The following DOCK3 variants were observed in gnomAD, a reference collection of about 807,000 sequenced individuals.
DOCK3 encodes the protein dedicator of cytokinesis 3.
A neutral mutation model predicts 265.6 loss-of-function variants in DOCK3; 60 were observed. That is an observed-to-expected ratio of 0.23 (90% CI 0.18 to 0.28). DOCK3 has a LOEUF of 0.28. Ranked by LOEUF, DOCK3 falls within the 10% of genes least tolerant of loss-of-function variation. The pLI is 1.00. For synonymous variants in DOCK3, 881 were observed against 938.0 expected (o/e 0.94, Z 1.11); for missense variants, 1,981 against 2,594.3 (o/e 0.76, Z 5.14).
At chr3:51,098,940 C>A (rs977981331) in intron 9 of DOCK3, among the ~76,000 whole-genome samples, 13 of 152,182 alleles carry the variant, frequency 8.5e-5, no homozygotes, top group African/African-American at 3.1e-4. Flanking sequence ...AGTATTCTCT[C>A]TTTTTCTTTC....
At chr3:50,807,022 C>A (rs573411105) in intron 2 of DOCK3, among the ~76,000 whole-genome samples, 11 of 152,216 alleles carry the variant, frequency 7.2e-5, no homozygotes, top group Admixed American at 2.0e-4. Context: ...CTCTGGGCCC[C>A]AGTCTGATCT....
chr3:51,370,911 G>T (rs940522143), intron 49 of DOCK3, among the ~76,000 whole-genome samples: 9 of 152,220 alleles, frequency 5.9e-5, no homozygotes, highest in Non-Finnish European at 1.3e-4. Flanking sequence ...CTGGTGGTCA[G>T]CTTGGGGTGC....
chr3:51,134,533 A>G (rs1172499525), intron 9 of DOCK3, among the ~76,000 whole-genome samples: 1 of 152,164 alleles, frequency 6.6e-6, no homozygotes, highest in Admixed American at 6.5e-5. Flanking sequence ...TGGGAATGTC[A>G]TGAACCTCAA....
chr3:50,878,129 A>G (rs1296278969), intron 3 of DOCK3, among the ~76,000 whole-genome samples: 1 of 152,222 alleles, frequency 6.6e-6, no homozygotes, highest in Non-Finnish European at 1.5e-5. Flanking sequence ...GTACGTCACC[A>G]TCATCAAAGA....
intron 5 of DOCK3, among the ~76,000 whole-genome samples, chr3:50,952,272 G>A (rs2108321496): frequency 6.6e-6 from 1 of 152,292 alleles, no homozygotes; most frequent in African/African-American, 2.4e-5. Context: ...GGACCTGAAA[G>A]TGATTGTTTC....
intron 1 of DOCK3, among the ~76,000 whole-genome samples, chr3:50,679,083 GATT>G (rs1330763077): frequency 6.6e-6 from 1 of 152,194 alleles, no homozygotes; most frequent in Non-Finnish European, 1.5e-5. Flanking sequence ...GAAGTGCTGG[GATT>G]ACAGGCATGA....
chr3:51,220,707 G>GTATA (rs1480666363), intron 14 of DOCK3, among the ~76,000 whole-genome samples: 1 of 130,420 alleles, frequency 7.7e-6, no homozygotes, highest in South Asian at 2.3e-4. Context: ...GTGTGTGTGT[G>GTATA]TGTATATATA....
chr3:51,128,558 A>T (rs763392184), intron 9 of DOCK3, among the ~76,000 whole-genome samples: 1 of 152,230 alleles, frequency 6.6e-6, no homozygotes, highest in Non-Finnish European at 1.5e-5. Flanking sequence ...CCGTGAGTCC[A>T]TGGATGGTAG....
rs756395592 is a variant in DOCK3, at chr3:50,934,089, A to G, written c.315+12A>G. On this transcript the variant is annotated intron_variant, in intron 5 of 52. Coordinates refer to ENST00000266037, the MANE Select transcript of DOCK3 (RefSeq NM_004947.5). Reference sequence around the variant, plus strand: ...AACAGTTGTATGTGGTAAGTAGTTGATTACTGGTTTATTGGATCATTAAAG... The same window carrying G: ...AACAGTTGTATGTGGTAAGTAGTTGGTTACTGGTTTATTGGATCATTAAAG... 2 of 1,574,338 alleles carry G rather than the reference A, an allele frequency of 1.3e-6. No individual in the cohort carries two copies. Among genetic ancestry groups the G allele is most frequent in the South Asian group, 2.3e-5 (2 of 86,702 alleles).
intron 25 of DOCK3, chr3:51,276,266 C>G: frequency 1.5e-6 from 1 of 654,466 alleles, no homozygotes; most frequent in Non-Finnish European, 1.9e-6. Context: ...ATTATTTGAT[C>G]TTGGCTCCAG....
chr3:51,199,968 A>G (rs2088608588), intron 12 of DOCK3, among the ~76,000 whole-genome samples: 1 of 152,204 alleles, frequency 6.6e-6, no homozygotes, highest in Non-Finnish European at 1.5e-5. Context: ...CCTGCAGCTG[A>G]GGGTCCCGTC....
intron 23 of DOCK3, among the ~76,000 whole-genome samples, chr3:51,269,926 G>A (rs115045037): frequency 6.6e-6 from 1 of 152,260 alleles, no homozygotes; most frequent in African/African-American, 2.4e-5. Flanking sequence ...GCAGTAACTT[G>A]CCAAAGTTTG....
At chr3:51,031,602 A>C (rs968532689) in intron 5 of DOCK3, among the ~76,000 whole-genome samples, 1 of 152,166 alleles carries the variant, frequency 6.6e-6, no homozygotes, top group Non-Finnish European at 1.5e-5. Flanking sequence ...GTTCTTAGTT[A>C]GTATTTTTGG....
At chr3:51,306,239 A>C (rs1195219890) in intron 27 of DOCK3, among the ~76,000 whole-genome samples, 1 of 151,906 alleles carries the variant, frequency 6.6e-6, no homozygotes, top group South Asian at 2.1e-4. Context: ...TCAGACTTTG[A>C]ATATTTCTGC....
intron 1 of DOCK3, among the ~76,000 whole-genome samples, chr3:50,751,046 C>T (rs544345613): frequency 6.6e-6 from 1 of 152,146 alleles, no homozygotes; most frequent in East Asian, 1.9e-4. Context: ...TGCAATAATG[C>T]TTCAAATGCA....
At chr3:51,264,829 A>AAATAAATAAATAAATAAATAAAT (rs1553820740) in intron 23 of DOCK3, among the ~76,000 whole-genome samples, 1 of 142,160 alleles carries the variant, frequency 7.0e-6, no homozygotes, top group Non-Finnish European at 1.5e-5. Context: ...TCAGTCTCAA[A>AAATAAATAAATAAATAAATAAAT]AAATAAATAA....
intron 5 of DOCK3, among the ~76,000 whole-genome samples, chr3:51,017,447 A>AGG (rs2079396403): frequency 2.0e-5 from 3 of 151,600 alleles, no homozygotes; most frequent in Non-Finnish European, 4.4e-5. Context: ...AAGATGTATC[A>AGG]TTGGGTTGTT....
intron 5 of DOCK3, among the ~76,000 whole-genome samples, chr3:50,974,040 C>T (rs1575650801): frequency 6.6e-6 from 1 of 150,664 alleles, no homozygotes; most frequent in African/African-American, 2.4e-5. Context: ...TGGATATTAG[C>T]CCTTTGTCAG....
chr3:51,169,091 T>C (rs2086547430), intron 12 of DOCK3, among the ~76,000 whole-genome samples: 1 of 152,132 alleles, frequency 6.6e-6, no homozygotes, highest in African/African-American at 2.4e-5. Flanking sequence ...AAATAACAGA[T>C]GCTGGTGAAG....
Sources: gnomAD v4.1 joint callset for allele counts (sites outside exome capture counted in the v4.1 genomes callset) on GRCh38, gnomAD v4.1.1 for gene constraint, MANE v1.5 for transcripts, NCBI Gene and HGNC (gene_info 2026-07-23, HGNC 2026-07-21) for gene names.